Variants in GAK observed in about 807,000 individuals in gnomAD.
The protein encoded by GAK is cyclin G associated kinase.
A neutral mutation model predicts 143.9 loss-of-function variants in GAK; 79 were observed. That is an observed-to-expected ratio of 0.55 (90% CI 0.46 to 0.66). GAK has a LOEUF of 0.66. Among genes scored for constraint, GAK ranks in the 30% least tolerant of loss-of-function variants. The pLI, the probability that GAK is intolerant of heterozygous loss-of-function variation, is 0.00. For missense variants in GAK, 1,693 were observed against 1,779.7 expected, an observed-to-expected ratio of 0.95 and a Z score of 0.88; for synonymous variants, 881 against 765.5, an observed-to-expected ratio of 1.15 and a Z score of -2.49.
At chr4:883,290 C>T (rs1236663274) in intron 13 of GAK, 25 bp downstream of exon 13, 6 of 1,610,642 alleles carry the variant, frequency 3.7e-6, no homozygotes, top group Non-Finnish European at 4.2e-6. Context: ...AGAGTGGCAC[C>T]AAGACAAAGC....
chr4:911,901 C>T (rs915889769), intron 3 of GAK, 114 bp from the exon 4 acceptor site: 1 of 818,934 alleles, frequency 1.2e-6, no homozygotes, highest in African/African-American at 1.7e-5. Context: ...GAATCGAACC[C>T]TTACAATTTT....
chr4:906,977 C>T (rs1370743368), intron 4 of GAK, among the ~76,000 whole-genome samples: 1 of 152,230 alleles, frequency 6.6e-6, no homozygotes, highest in African/African-American at 2.4e-5. Context: ...GTGCACCCTT[C>T]TCCTGGGACT....
chr4:929,241 A>G (rs1725302884), intron 1 of GAK, among the ~76,000 whole-genome samples: 1 of 152,206 alleles, frequency 6.6e-6, no homozygotes, highest in South Asian at 2.1e-4. Context: ...CCACTCAGCT[A>G]ACACTGCGCA....
chr4:930,716 T>G (rs1725542135), intron 1 of GAK, among the ~76,000 whole-genome samples: 1 of 152,052 alleles, frequency 6.6e-6, no homozygotes, highest in Non-Finnish European at 1.5e-5. Context: ...CCAACTGATG[T>G]GAAAGAATAT....
intron 3 of GAK, chr4:912,131 G>A (rs747117303): frequency 6.5e-6 from 3 of 461,802 alleles, no homozygotes; most frequent in South Asian, 1.5e-5. Flanking sequence ...GTGTCCACCC[G>A]AACCCACACT....
chr4:905,512 G>A (rs1033384066), intron 4 of GAK, among the ~76,000 whole-genome samples: 13 of 142,204 alleles, frequency 9.1e-5, no homozygotes, highest in Non-Finnish European at 1.4e-4. Context: ...GCCACGCTAC[G>A]GACTCCGCCA....
intron 24 of GAK, among the ~76,000 whole-genome samples, chr4:858,654 A>G (rs536435758): frequency 3.9e-5 from 6 of 152,328 alleles, no homozygotes; most frequent in Non-Finnish European, 8.8e-5. Context: ...AAGACGAAAA[A>G]ACTCTTGGGA....
At chr4:849,833 G>GTCCCCCCCCCCCCCCCCC in intron 27 of GAK, 59 bp from the exon 28 acceptor site, 1 of 1,190,156 alleles carries the variant, frequency 8.4e-7, no homozygotes, top group Non-Finnish European at 1.2e-6. Flanking sequence ...GGCGGGGCAG[G>GTCCCCCCCCCCCCCCCCC]ACCCCCCCCC....
In GAK at chr4:859,717, G is replaced by A. The variant is rs1237669546; in HGVS notation, c.3172C>T (p.Leu1058Phe). 14 of 1,589,054 alleles carry A rather than the reference G, an allele frequency of 8.8e-6. No homozygotes were observed. Among genetic ancestry groups the A allele is most frequent in the African/African-American group, 1.3e-5 (1 of 74,366 alleles). Residue 1058 changes from leucine to phenylalanine, a missense_variant, in exon 24 of 28, where the codon CTC (leucine) becomes TTC (phenylalanine). Physicochemically the swap from Leu to Phe is conservative, Grantham distance 22. This residue lies in a region of GAK where 822 missense variants were observed against 788.7 expected (regional missense o/e 1.04). Coordinates refer to ENST00000314167, the MANE Select transcript of GAK (RefSeq NM_005255.4). ...GCCGGCTGACCTCCAGGAGAGAAGA[G>A]GGGGCCTGGAGAAGGGGCACAGGGC... The part of the protein sequence containing the change: ...VAPTPATEGP[L>F]FSPGGQPAPC...
chr4:852,039 A>G (rs1055264502), intron 24 of GAK, 65 bp from the exon 25 acceptor site: 25 of 1,311,224 alleles, frequency 1.9e-5, no homozygotes, highest in Non-Finnish European at 2.6e-5. Flanking sequence ...CTGTTTCTAT[A>G]ACGCAGAGCA....
intron 19 of GAK, 110 bp from the exon 20 acceptor site, chr4:868,795 C>T: frequency 8.8e-7 from 1 of 1,134,944 alleles, no homozygotes. Flanking sequence ...CCGTGGCAGG[C>T]CAGGCCATCG....
At chr4:890,022 C>T (rs1013187418) in intron 10 of GAK, among the ~76,000 whole-genome samples, 9 of 152,186 alleles carry the variant, frequency 5.9e-5, no homozygotes, top group Non-Finnish European at 7.4e-5. Context: ...GCCTCAGGGT[C>T]GCTACTGTAG....
At chr4:870,220 G>A (rs1329731686) in intron 19 of GAK, among the ~76,000 whole-genome samples, 1 of 152,220 alleles carries the variant, frequency 6.6e-6, no homozygotes, top group Non-Finnish European at 1.5e-5. Flanking sequence ...ACCAAGAGCC[G>A]AGAACAAGCG....
intron 4 of GAK, among the ~76,000 whole-genome samples, chr4:907,029 T>C (rs1361693630): frequency 1.3e-5 from 2 of 152,196 alleles, no homozygotes; most frequent in African/African-American, 4.8e-5. Context: ...CCACCTGCCA[T>C]GGGCATGGAT....
At chr4:896,849 C>A (rs1420988289) in intron 6 of GAK, among the ~76,000 whole-genome samples, 1 of 152,274 alleles carries the variant, frequency 6.6e-6, no homozygotes, top group Non-Finnish European at 1.5e-5. Context: ...CGCACCAAGT[C>A]CGCTTGCTGA....
At chr4:861,706 G>A (rs541209204) in intron 23 of GAK, among the ~76,000 whole-genome samples, 1 of 152,368 alleles carries the variant, frequency 6.6e-6, no homozygotes, top group African/African-American at 2.4e-5. Context: ...GTGAACACAC[G>A]AATGATACGA....
At chr4:855,223 C>T (rs982714964) in intron 24 of GAK, among the ~76,000 whole-genome samples, 2 of 152,066 alleles carry the variant, frequency 1.3e-5, no homozygotes, top group Non-Finnish European at 1.5e-5. Flanking sequence ...GTGCAGCGTC[C>T]GTCCCTTCAC....
intron 23 of GAK, among the ~76,000 whole-genome samples, chr4:862,449 A>C (rs1165830597): frequency 1.3e-5 from 2 of 152,184 alleles, no homozygotes; most frequent in African/African-American, 4.8e-5. Context: ...TCACGAGGTC[A>C]GGAGATCGAG....
At chr4:857,481 C>T (rs1271932740) in intron 24 of GAK, among the ~76,000 whole-genome samples, 1 of 152,100 alleles carries the variant, frequency 6.6e-6, no homozygotes, top group Admixed American at 6.5e-5. Context: ...AATTTATTTT[C>T]TTTGTATTTA....
Sources: allele counts gnomAD v4.1 joint callset (sites outside exome capture counted in the v4.1 genomes callset), GRCh38; gene constraint gnomAD v4.1.1; regional missense constraint gnomAD v4.1.1; transcripts MANE v1.5; gene names NCBI Gene and HGNC (gene_info 2026-07-23, HGNC 2026-07-21).